Variants in CDC7 observed in about 807,000 individuals in gnomAD.
CDC7 encodes the protein cell division cycle 7.
A neutral mutation model predicts 53.5 loss-of-function variants in CDC7; 34 were observed. The ratio of observed to expected loss-of-function variants is 0.64; its 90% CI spans 0.48 to 0.85. CDC7 has a LOEUF of 0.85. Ranked by LOEUF, CDC7 falls within the 40% of genes least tolerant of loss-of-function variation. The pLI is 0.00. For missense variants in CDC7, 594 were observed against 679.7 expected, an observed-to-expected ratio of 0.87 and a Z score of 1.40; for synonymous variants, 211 against 222.8, an observed-to-expected ratio of 0.95 and a Z score of 0.47.
intron 11 of CDC7, among the ~76,000 whole-genome samples, chr1:91,521,467 A>G (rs1251452277): frequency 6.6e-6 from 1 of 152,220 alleles, no homozygotes; most frequent in Non-Finnish European, 1.5e-5. Context: ...TCTACAGTAA[A>G]GTCAGTCCAC....
chr1:91,522,440 A>C (rs1285480103), intron 11 of CDC7, among the ~76,000 whole-genome samples: 8 of 152,204 alleles, frequency 5.3e-5, no homozygotes, highest in Non-Finnish European at 1.5e-5. Flanking sequence ...TGTGTTGAAT[A>C]AATTAAAAAG....
chr1:91,517,577 G>C (rs1667628596), intron 10 of CDC7, among the ~76,000 whole-genome samples: 1 of 152,170 alleles, frequency 6.6e-6, no homozygotes, highest in African/African-American at 2.4e-5. Context: ...CATCCAAATA[G>C]AGATTTCCAG....
chr1:91,523,478 TG>T lies in CDC7; in HGVS notation c.1331-560del, dbSNP rs13447555. 9.9e-3 allele frequency among the ~76,000 whole-genome samples: 1,503 copies of T among 152,238 alleles called. 25 individuals carry two copies. The highest frequency in any genetic ancestry group is 0.034 in the African/African-American group (1,424 of 41,554). On this transcript the variant is annotated intron_variant, in intron 11 of 11. Coordinates refer to ENST00000234626, the MANE Select transcript of CDC7 (RefSeq NM_003503.4). ...CCTTCAAAGAGCTCAGTCTACTAGGTGGGACAGACATATATAGGATAGCAAA... is the reference window on the plus strand; with the variant it reads ...CCTTCAAAGAGCTCAGTCTACTAGGTGGACAGACATATATAGGATAGCAAA...
intron 10 of CDC7, among the ~76,000 whole-genome samples, chr1:91,516,390 A>T (rs1421057414): frequency 6.6e-6 from 1 of 152,088 alleles, no homozygotes; most frequent in African/African-American, 2.4e-5. Context: ...TCCGTAATCT[A>T]AAAACTTACC....
chr1:91,524,235 T>C lies in CDC7; in HGVS notation c.1525T>C (p.Ser509Pro). The C allele has an allele frequency of 6.2e-7, 1 of 1,613,966 alleles. No homozygotes were observed. The change falls in exon 12 of 12, where the codon TCA (serine) becomes CCA (proline). Residue 509 changes from serine to proline, a missense_variant. Transcript: ENST00000234626. ...CLVQTPPGQY[S>P]GNSFKKGDSN... is the part of the protein sequence containing the mutation. Reference sequence around the variant, plus strand: ...CGTTCAAACACCTCCAGGACAATACTCAGGGAATTCATTTAAAAAGGGGGA... The same window carrying C: ...CGTTCAAACACCTCCAGGACAATACCCAGGGAATTCATTTAAAAAGGGGGA...
chr1:91,513,022 T>C (rs1398566147), intron 6 of CDC7, 36 bp from the exon 7 acceptor site: 2 of 1,596,138 alleles, frequency 1.3e-6, no homozygotes, highest in Admixed American at 3.4e-5. Flanking sequence ...CTTTAATTGC[T>C]ACAGATAAGT....
chr1:91,523,680 T>G (rs959077599), intron 11 of CDC7, among the ~76,000 whole-genome samples: 1 of 152,022 alleles, frequency 6.6e-6, no homozygotes, highest in South Asian at 2.1e-4. Context: ...GTCAAAGACA[T>G]AGAAGCATGG....
At chr1:91,505,398 C>G (rs1005467093) in intron 2 of CDC7, among the ~76,000 whole-genome samples, 1 of 152,158 alleles carries the variant, frequency 6.6e-6, no homozygotes, top group Admixed American at 6.5e-5. Flanking sequence ...TGTTTAAACT[C>G]TGTTTGCTAT....
At chr1:91,517,388 T>A (rs764130441) in intron 10 of CDC7, among the ~76,000 whole-genome samples, 1 of 152,006 alleles carries the variant, frequency 6.6e-6, no homozygotes, top group Non-Finnish European at 1.5e-5. Context: ...GATAATTGGA[T>A]GTAGAATTAG....
rs375362150 is a variant in CDC7 at position 91,508,389 on chromosome 1, A to C, written c.327A>C (p.Thr109=). The change falls in exon 4 of 12, where the codon ACA becomes ACC. Residue 109 remains threonine, a synonymous_variant. Transcript: ENST00000234626. ...TTGCAGCTGAACTTCAGTGCCTAAC[A>C]GTGGCTGGGTAGGCAATTTAAACAT... is the stretch of plus-strand genomic sequence containing the variant. ...IRIAAELQCL[T]VAGGQDNVMG... 2.0e-4 allele frequency: 317 copies of C among 1,609,082 alleles called. 1 individual carries two copies. Among genetic ancestry groups the C allele is most frequent in the Non-Finnish European group, 2.5e-4 (293 of 1,177,624 alleles).
At chr1:91,501,595 G>C in intron 1 of CDC7, 59 bp from the exon 2 acceptor site, 2 of 757,982 alleles carry the variant, frequency 2.6e-6, no homozygotes, top group Non-Finnish European at 4.6e-6. Flanking sequence ...GCAGTAGCAT[G>C]TTTTTAGTGC....
chr1:91,511,629 G>C lies in CDC7; in HGVS notation c.368G>C (p.Cys123Ser). The C allele has an allele frequency of 6.2e-7, 1 of 1,610,458 alleles. No individual in the cohort carries two copies. The highest frequency in any genetic ancestry group is 8.5e-7 in the Non-Finnish European group (1 of 1,177,296). ...GATAATGTCATGGGAGTTAAATACT[G>C]CTTTAGGAAGAATGATCATGTAGTT... is the stretch of plus-strand genomic sequence containing the variant. Reference protein sequence around the residue: ...GQDNVMGVKYCFRKNDHVVIA... With the variant: ...GQDNVMGVKYSFRKNDHVVIA... Residue 123 changes from cysteine to serine, a missense_variant, in exon 5 of 12, where the codon TGC (cysteine) becomes TCC (serine). Coordinates refer to ENST00000234626, the MANE Select transcript of CDC7 (RefSeq NM_003503.4).
At position 91,501,858 on chromosome 1, in the gene CDC7, A is replaced by C. The variant is rs1223011705; in HGVS notation, c.115+27A>C. The C allele has an allele frequency of 2.7e-6, 4 of 1,495,308 alleles. No individual in the cohort carries two copies. The Admixed American group carries it at 5.1e-5, about 19-fold the overall frequency. The allele number at this position is 1,495,308 out of a possible 1,614,324, so 92.6% of individuals were successfully genotyped here. A position where few individuals can be genotyped will look rare whatever the true frequency, so the allele number is the denominator to read the frequency against. On this transcript the variant is annotated intron_variant, in intron 2 of 11. Coordinates refer to ENST00000234626, the MANE Select transcript of CDC7 (RefSeq NM_003503.4). ...TACGTGTTTAAATCCAAAGATGTACAGTTATAAAGATTTTTCAGGCAACAA... is the reference window on the plus strand; with the variant it reads ...TACGTGTTTAAATCCAAAGATGTACCGTTATAAAGATTTTTCAGGCAACAA...
Position 91,501,850 on chromosome 1 carries a change from A to G in CDC7, c.115+19A>G. 1 of 1,535,294 alleles carries G rather than the reference A, an allele frequency of 6.5e-7. No individual in the cohort carries two copies. The highest frequency in any genetic ancestry group is 1.1e-5 in the South Asian group (1 of 89,382). On this transcript the variant is annotated intron_variant, in intron 2 of 11. Transcript: ENST00000234626. The stretch of plus-strand genomic sequence containing the variant: ...CTTGCAGGTACGTGTTTAAATCCAA[A>G]GATGTACAGTTATAAAGATTTTTCA...
intron 11 of CDC7, 69 bp from the exon 12 acceptor site, chr1:91,523,972 G>A: frequency 8.4e-7 from 1 of 1,187,302 alleles, no homozygotes; most frequent in Non-Finnish European, 1.2e-6. Context: ...TCTCATGAGA[G>A]AGGCTTCTGA....
At position 91,514,931 on chromosome 1, in the gene CDC7, C is replaced by T. The variant is rs1378939301; in HGVS notation, c.1031C>T (p.Ser344Phe). 6.2e-7 allele frequency: 1 copy of T among 1,613,746 alleles called. No individual in the cohort carries two copies. The highest frequency in any genetic ancestry group is 8.5e-7 in the Non-Finnish European group (1 of 1,179,834). Reference sequence around the variant, plus strand: ...GCTGTGATGAGGAAAACTGCCAGTTCTTGCCCAGCTAGCCTGACCTGTGAC... The same window carrying T: ...GCTGTGATGAGGAAAACTGCCAGTTTTTGCCCAGCTAGCCTGACCTGTGAC... ...NSAVMRKTAS[S>F]CPASLTCDCY... The change falls in exon 9 of 12, where the codon TCT (serine) becomes TTT (phenylalanine). Residue 344 changes from serine to phenylalanine, a missense_variant. Ser to Phe is a radical substitution (Grantham distance 155, BLOSUM62 -2). Coordinates refer to ENST00000234626, the MANE Select transcript of CDC7 (RefSeq NM_003503.4).
intron 2 of CDC7, among the ~76,000 whole-genome samples, chr1:91,503,442 A>AG (rs1666812393): frequency 6.6e-6 from 1 of 152,174 alleles, no homozygotes; most frequent in South Asian, 2.1e-4. Flanking sequence ...ATCATGAGAC[A>AG]GGTATATGCC....
In CDC7 at chr1:91,504,266, C is replaced by T. The variant is rs148157338; in HGVS notation, c.115+2435C>T. ...GATTACAGGCATGTGCCGCTACACT[C>T]AGCTAATTTTAAATATTTTTTTTAG... On this transcript the variant is annotated intron_variant, in intron 2 of 11. Coordinates refer to ENST00000234626, the MANE Select transcript of CDC7 (RefSeq NM_003503.4). Among the ~76,000 whole-genome samples, 866 of 152,190 alleles carry T rather than the reference C, an allele frequency of 5.7e-3. 4 individuals carry two copies. Among genetic ancestry groups the T allele is most frequent in the Admixed American group, 8.7e-3 (133 of 15,296 alleles).
chr1:91,503,012 T>C (rs1666783667), intron 2 of CDC7, among the ~76,000 whole-genome samples: 1 of 152,164 alleles, frequency 6.6e-6, no homozygotes, highest in Non-Finnish European at 1.5e-5. Context: ...CTTTTTCTAT[T>C]GCTTAGGACT....
Sources: allele counts gnomAD v4.1 joint callset (sites outside exome capture counted in the v4.1 genomes callset), GRCh38; gene constraint gnomAD v4.1.1; transcripts MANE v1.5; gene names NCBI Gene and HGNC (gene_info 2026-07-23, HGNC 2026-07-21).